Variants in LRRC4C observed in about 807,000 individuals in gnomAD.
The protein encoded by LRRC4C is leucine rich repeat containing 4C.
A neutral mutation model predicts 33.6 loss-of-function variants in LRRC4C; 5 were observed. The observed-to-expected ratio is 0.15, with a 90% confidence interval of 0.08 to 0.31. The LOEUF (loss-of-function observed/expected upper bound fraction) is 0.31, where lower values mean the gene tolerates loss of function less well. LRRC4C is among the 10% of genes least tolerant of loss of function. LRRC4C has a pLI of 1.00. For missense variants in LRRC4C, 560 were observed against 796.7 expected (o/e 0.70, Z 3.58); for synonymous variants, 329 against 302.0 (o/e 1.09, Z -0.93).
chr11:40,867,596 T>C (rs753030423), intron 2 of LRRC4C, among the ~76,000 whole-genome samples: 1 of 152,214 alleles, frequency 6.6e-6, no homozygotes, highest in Non-Finnish European at 1.5e-5. Flanking sequence ...GGCAATGTAT[T>C]TGTGTAGAGC....
At chr11:40,197,568 A>AAT (rs1862365535) in intron 5 of LRRC4C, among the ~76,000 whole-genome samples, 1 of 152,144 alleles carries the variant, frequency 6.6e-6, no homozygotes, top group Non-Finnish European at 1.5e-5. Flanking sequence ...CCCATCGCTA[A>AAT]TTTTGAGTCA....
At chr11:40,483,568 G>A (rs1017423439) in intron 3 of LRRC4C, among the ~76,000 whole-genome samples, 1 of 152,014 alleles carries the variant, frequency 6.6e-6, no homozygotes, top group Non-Finnish European at 1.5e-5. Flanking sequence ...TAAAATCTAG[G>A]AAGACTGAAA....
intron 1 of LRRC4C, among the ~76,000 whole-genome samples, chr11:41,150,573 C>G (rs535007284): frequency 6.6e-6 from 1 of 151,906 alleles, no homozygotes; most frequent in Non-Finnish European, 1.5e-5. Flanking sequence ...GGGCGGATCA[C>G]GAGGTAAGGA....
chr11:40,870,640 C>G (rs1280403661), intron 2 of LRRC4C, among the ~76,000 whole-genome samples: 1 of 152,166 alleles, frequency 6.6e-6, no homozygotes, highest in African/African-American at 2.4e-5. Context: ...ATCACTTCCC[C>G]AATCAATACC....
At chr11:40,342,019 G>T in intron 3 of LRRC4C, among the ~76,000 whole-genome samples, 1 of 149,554 alleles carries the variant, frequency 6.7e-6, no homozygotes, top group African/African-American at 2.5e-5. Flanking sequence ...AACAAAATAA[G>T]TCTTTTTAAA....
intron 1 of LRRC4C, among the ~76,000 whole-genome samples, chr11:41,272,657 G>C (rs1430176058): frequency 6.6e-6 from 1 of 152,074 alleles, no homozygotes; most frequent in Non-Finnish European, 1.5e-5. Flanking sequence ...CCGAAGCGAT[G>C]TTTTAAAAGA....
In LRRC4C at chr11:40,800,457, C is replaced by A. The variant is rs1003102180; in HGVS notation, c.-407+133178G>T. Among the ~76,000 whole-genome samples the A allele has an allele frequency of 2.0e-5, 3 of 152,176 alleles. No individual in the cohort carries two copies. The East Asian group carries it at 5.8e-4, about 29-fold the overall frequency. On this transcript the variant is annotated intron_variant, in intron 2 of 6. Coordinates refer to ENST00000528697, the MANE Select transcript of LRRC4C (RefSeq NM_001258419.2). ...AACATGTATGGAGACTGGATGATTA[C>A]TAAGTCATTCGCCCTTTTCCGAAGT...
intron 1 of LRRC4C, among the ~76,000 whole-genome samples, chr11:40,936,044 ATATATATATATATATATATAT>A (rs1565219298): frequency 3.1e-4 from 22 of 71,872 alleles, no homozygotes; most frequent in East Asian, 1.2e-3. Context: ...ATATATATAT[ATATATATATATATATATATAT>A]AACATAGTTT....
intron 3 of LRRC4C, among the ~76,000 whole-genome samples, chr11:40,383,298 G>T (rs748987573): frequency 1.3e-5 from 2 of 152,156 alleles, no homozygotes; most frequent in East Asian, 3.9e-4. Context: ...CTTGACTATT[G>T]TGATGATGCT....
intron 4 of LRRC4C, among the ~76,000 whole-genome samples, chr11:40,304,046 G>T (rs1944908815): frequency 6.6e-6 from 1 of 152,108 alleles, no homozygotes; most frequent in South Asian, 2.1e-4. Context: ...GGTTCCTTTT[G>T]CAGTAAAATA....
intron 3 of LRRC4C, among the ~76,000 whole-genome samples, chr11:40,429,665 C>A: frequency 6.6e-6 from 1 of 151,946 alleles, no homozygotes; most frequent in East Asian, 1.9e-4. Flanking sequence ...TATGACTTTT[C>A]ATCTTTAAAG....
At chr11:40,443,969 AAGTT>A (rs1301579044) in intron 3 of LRRC4C, among the ~76,000 whole-genome samples, 1 of 152,220 alleles carries the variant, frequency 6.6e-6, no homozygotes, top group Non-Finnish European at 1.5e-5. Flanking sequence ...CATTGTAAAA[AAGTT>A]AGTTTATTTT....
chr11:40,293,254 C>T (rs1944319812), intron 4 of LRRC4C: 1 of 151,670 alleles, frequency 6.6e-6, no homozygotes, highest in Non-Finnish European at 1.5e-5. Flanking sequence ...AAGGCTCCGT[C>T]AGCTGTCAAG....
intron 3 of LRRC4C, among the ~76,000 whole-genome samples, chr11:40,561,459 C>T (rs570815060): frequency 3.2e-5 from 4 of 126,700 alleles, no homozygotes; most frequent in Middle Eastern, 0.013. Flanking sequence ...GTTGCCCAGG[C>T]TGGATTGTAG....
chr11:40,538,376 T>A (rs991731557), intron 3 of LRRC4C, among the ~76,000 whole-genome samples: 1 of 152,088 alleles, frequency 6.6e-6, no homozygotes, highest in African/African-American at 2.4e-5. Flanking sequence ...AGTGAGCATA[T>A]GCAGTGTTTG....
At chr11:41,210,092 G>T (rs562000692) in intron 1 of LRRC4C, among the ~76,000 whole-genome samples, 13 of 152,252 alleles carry the variant, frequency 8.5e-5, no homozygotes, top group Non-Finnish European at 1.3e-4. Flanking sequence ...CTTGGTTTTT[G>T]ATTTCCAGCC....
At chr11:40,210,252 C>CAA (rs372437066) in intron 5 of LRRC4C, among the ~76,000 whole-genome samples, 9,662 of 137,960 alleles carry the variant, frequency 0.07, 1,032 homozygotes, top group African/African-American at 0.24. Flanking sequence ...GACTCCGTCT[C>CAA]AAAAAAAAAA....
At chr11:41,123,951 A>C (rs1230970774) in intron 1 of LRRC4C, among the ~76,000 whole-genome samples, 5 of 152,186 alleles carry the variant, frequency 3.3e-5, no homozygotes, top group African/African-American at 1.2e-4. Context: ...TGTTTCAGTG[A>C]ACTATTGCCA....
chr11:40,766,353 TAAAAAAAAAAA>T (rs60152534), intron 2 of LRRC4C, among the ~76,000 whole-genome samples: 2 of 33,902 alleles, frequency 5.9e-5, no homozygotes, highest in African/African-American at 1.1e-4. Flanking sequence ...TTCAGTCTGT[TAAAAAAAAAAA>T]AAAAAAAAAA....
Sources: gnomAD v4.1 joint callset for allele counts (sites outside exome capture counted in the v4.1 genomes callset) on GRCh38, gnomAD v4.1.1 for gene constraint, MANE v1.5 for transcripts, NCBI Gene and HGNC (gene_info 2026-07-23, HGNC 2026-07-21) for gene names.